IL2RA: variants seen among roughly 807,000 people sequenced by gnomAD.
IL2RA encodes interleukin 2 receptor subunit alpha.
IL2RA carries 24 observed loss-of-function variants against 37.8 expected under a neutral mutation model. The observed-to-expected ratio is 0.63, with a 90% CI of 0.46 to 0.89. The LOEUF is 0.89. IL2RA is among the 40% of genes least tolerant of loss of function. The pLI is 0.00. For synonymous variants in IL2RA, 125 were observed against 114.6 expected, an observed-to-expected ratio of 1.09 and a Z score of -0.58; for missense variants, 319 against 348.6, an observed-to-expected ratio of 0.92 and a Z score of 0.68.
rs553785983 is a variant in IL2RA, at chr10:6,028,772, C to T, written c.65-2747G>A. On this transcript the variant is annotated intron_variant, in intron 1 of 7. Coordinates refer to ENST00000379959, the MANE Select transcript of IL2RA (RefSeq NM_000417.3). This position sits in a 1 kb window ranked among gnomAD's most constrained non-coding sequence, Gnocchi z 4.1. Reference sequence around the variant, plus strand: ...CAGCACTTTGGGGCGACAAGGCAGGCGGATCATCTGAGGTCAGGAGTTCCA... The same window carrying T: ...CAGCACTTTGGGGCGACAAGGCAGGTGGATCATCTGAGGTCAGGAGTTCCA... Among the ~76,000 whole-genome samples the T allele has an allele frequency of 1.1e-4, 16 of 152,172 alleles. No homozygotes were observed. In the East Asian group the frequency reaches 1.9e-3, roughly 18 times the overall value.
At chr10:6,016,789 G>A (rs192622024) in intron 7 of IL2RA, among the ~76,000 whole-genome samples, 228 of 152,080 alleles carry the variant, frequency 1.5e-3, no homozygotes, top group Admixed American at 3.8e-3. Flanking sequence ...GTCCAGCCTG[G>A]TCCTGAACTC....
rs1371276723 is a variant in IL2RA, at chr10:6,018,690, G to C, written c.728-571C>G. ...CCCGGGGTACAGCCCTTCCAGATCA[G>C]CTTGAGAGGAGCTGATAGGGCTGAC... On this transcript the variant is annotated intron_variant, in intron 6 of 7. Transcript: ENST00000379959. This position sits in a 1 kb window ranked among gnomAD's most constrained non-coding sequence, Gnocchi z 5.1. Among the ~76,000 whole-genome samples, 1 of 152,164 alleles carries C rather than the reference G, an allele frequency of 6.6e-6. No individual in the cohort carries two copies. The highest frequency in any genetic ancestry group is 1.5e-5 in the Non-Finnish European group (1 of 68,016).
At chr10:6,038,043 A>T (rs1382545180) in intron 1 of IL2RA, among the ~76,000 whole-genome samples, 1 of 152,194 alleles carries the variant, frequency 6.6e-6, no homozygotes, top group African/African-American at 2.4e-5. Context: ...GTATCATAGA[A>T]TATGAGAACT....
At chr10:6,062,041 T>G in intron 1 of IL2RA, 47 bp downstream of exon 1, 1 of 1,457,128 alleles carries the variant, frequency 6.9e-7, no homozygotes. Context: ...GGAAGAGGGA[T>G]GCCCATCAGC....
rs966986357 is a variant in IL2RA, at chr10:6,021,960, T to G, written c.368-267A>C. 1.3e-5 allele frequency among the ~76,000 whole-genome samples: 2 copies of G among 151,798 alleles called. No individual in the cohort carries two copies. The highest frequency in any genetic ancestry group is 4.8e-5 in the African/African-American group (2 of 41,316). The stretch of plus-strand genomic sequence containing the variant: ...TGTGAAGGATAGCAGACGTTGGCAA[T>G]GGGAACACAGAGGAATGAGCGATTC... On this transcript the variant is annotated intron_variant, in intron 3 of 7. Coordinates refer to ENST00000379959, the MANE Select transcript of IL2RA (RefSeq NM_000417.3). The surrounding 1 kb of genome is among the most constrained non-coding windows in gnomAD (Gnocchi z 4.9).
At chr10:6,038,490 TC>T (rs1251023677) in intron 1 of IL2RA, among the ~76,000 whole-genome samples, 1 of 152,196 alleles carries the variant, frequency 6.6e-6, no homozygotes, top group Non-Finnish European at 1.5e-5. Flanking sequence ...GATACTGTCA[TC>T]CCCACTTTAG....
chr10:6,021,401 G>C lies in IL2RA; in HGVS notation c.583+77C>G, dbSNP rs1362117098. ...TCCAAGGACCACTCTTGTCCAGCAG[G>C]AGTGGTCAGGGATTCCACTCTGGTC... On this transcript the variant is annotated intron_variant, in intron 4 of 7. Coordinates refer to ENST00000379959, the MANE Select transcript of IL2RA (RefSeq NM_000417.3). The surrounding 1 kb of genome is among the most constrained non-coding windows in gnomAD (Gnocchi z 4.9). 5 of 1,160,264 alleles carry C rather than the reference G, an allele frequency of 4.3e-6. No homozygotes were observed. The highest frequency in any genetic ancestry group is 5.2e-6 in the Non-Finnish European group (4 of 768,342). The allele number at this position is 1,160,264 out of a possible 1,614,324, so 71.9% of individuals were successfully genotyped here.
Position 6,056,780 on chromosome 10 carries a change from T to C in IL2RA, c.64+5308A>G, listed in dbSNP as rs767137796. On this transcript the variant is annotated intron_variant, in intron 1 of 7. Coordinates refer to ENST00000379959, the MANE Select transcript of IL2RA (RefSeq NM_000417.3). This position sits in a 1 kb window ranked among gnomAD's most constrained non-coding sequence, Gnocchi z 5.0. ...AAAAAAAAGATTCCCCTTTCTCTTC[T>C]CTCAGGGAATGGCCTGGGATAGAGA... 2.0e-5 allele frequency among the ~76,000 whole-genome samples: 3 copies of C among 152,028 alleles called. No individual in the cohort carries two copies. The highest frequency in any genetic ancestry group is 4.4e-5 in the Non-Finnish European group (3 of 67,998).
At chr10:6,034,683 C>T (rs370705038) in intron 1 of IL2RA, among the ~76,000 whole-genome samples, 1 of 152,170 alleles carries the variant, frequency 6.6e-6, no homozygotes, top group Non-Finnish European at 1.5e-5. Context: ...AAAATTACTT[C>T]TCAAAATTCA....
In IL2RA at chr10:6,013,113, C is replaced by T. The variant is rs36060461; in HGVS notation, c.795-217G>A. 7.8e-3 allele frequency among the ~76,000 whole-genome samples: 1,193 copies of T among 152,320 alleles called. 10 individuals carry two copies. Among genetic ancestry groups the T allele is most frequent in the Non-Finnish European group, 0.012 (835 of 68,030 alleles). On this transcript the variant is annotated intron_variant, in intron 7 of 7. Transcript: ENST00000379959. ...AAAGTGCTGGGATTACAGGTGTGAG[C>T]CACTGTGCCTGGCCTAAGTTTTTAT...
chr10:6,047,757 A>G lies in IL2RA; in HGVS notation c.64+14331T>C, dbSNP rs1048884411. On this transcript the variant is annotated intron_variant, in intron 1 of 7. Transcript: ENST00000379959. This position sits in a 1 kb window ranked among gnomAD's most constrained non-coding sequence, Gnocchi z 5.0. ...TTATACAGATATATAATAAGCAATT[A>G]GGGTATGTTATATAAAATACTATAG... is the stretch of plus-strand genomic sequence containing the variant. 1.3e-5 allele frequency among the ~76,000 whole-genome samples: 2 copies of G among 149,378 alleles called. No homozygotes were observed. The highest frequency in any genetic ancestry group is 3.0e-5 in the Non-Finnish European group (2 of 67,480).
intron 6 of IL2RA, among the ~76,000 whole-genome samples, chr10:6,019,145 A>G (rs1472529933): frequency 6.6e-6 from 1 of 152,014 alleles, no homozygotes; most frequent in Non-Finnish European, 1.5e-5. Flanking sequence ...CCAACCAACT[A>G]ACCAACTAAC....
intron 1 of IL2RA, among the ~76,000 whole-genome samples, chr10:6,052,771 G>T (rs1249751264): frequency 2.6e-5 from 4 of 152,226 alleles, no homozygotes; most frequent in Non-Finnish European, 5.9e-5. Flanking sequence ...GGGTGATTCT[G>T]TGGGCAGAGG....
chr10:6,018,258 G>A lies in IL2RA; in HGVS notation c.728-139C>T. 2.8e-6 allele frequency: 2 copies of A among 707,252 alleles called. No individual in the cohort carries two copies. The highest frequency in any genetic ancestry group is 3.0e-5 in the South Asian group (2 of 65,872). The allele number at this position is 707,252 out of a possible 1,614,324, so 43.8% of individuals were successfully genotyped here. ...CAGCCTCTCTTCCCTGTCTCAGGAAGTAGGTCCCTCCCCATGGGATTTCCT... is the reference window on the plus strand; with the variant it reads ...CAGCCTCTCTTCCCTGTCTCAGGAAATAGGTCCCTCCCCATGGGATTTCCT... On this transcript the variant is annotated intron_variant, in intron 6 of 7. Coordinates refer to ENST00000379959, the MANE Select transcript of IL2RA (RefSeq NM_000417.3). The surrounding 1 kb of genome is among the most constrained non-coding windows in gnomAD (Gnocchi z 5.1).
chr10:6,032,099 G>A (rs529731691), intron 1 of IL2RA, among the ~76,000 whole-genome samples: 1 of 151,990 alleles, frequency 6.6e-6, no homozygotes, highest in Non-Finnish European at 1.5e-5. Flanking sequence ...GAAATTCAAT[G>A]AGAAAGGAAA....
In IL2RA at chr10:6,024,587, C is replaced by T. The variant is rs181757138; in HGVS notation, c.257-233G>A. On this transcript the variant is annotated intron_variant, in intron 2 of 7. Coordinates refer to ENST00000379959, the MANE Select transcript of IL2RA (RefSeq NM_000417.3). ...CGACATGTTTTTGAGCGTGTGTATA[C>T]GTGTCTGTGCATGTCATGTATGTTA... Among the ~76,000 whole-genome samples, 506 of 152,156 alleles carry T rather than the reference C, an allele frequency of 3.3e-3. 6 individuals carry two copies. Among genetic ancestry groups the T allele is most frequent in the African/African-American group, 0.011 (460 of 41,538 alleles).
intron 1 of IL2RA, among the ~76,000 whole-genome samples, chr10:6,051,910 A>T (rs930772260): frequency 6.8e-6 from 1 of 146,750 alleles, no homozygotes; most frequent in Non-Finnish European, 1.5e-5. Context: ...GACTAATACG[A>T]TTCCTTCCTC....
At chr10:6,024,814 C>T (rs1009025116) in intron 2 of IL2RA, among the ~76,000 whole-genome samples, 5 of 152,220 alleles carry the variant, frequency 3.3e-5, no homozygotes, top group Admixed American at 6.5e-5. Flanking sequence ...AAGTTAGAGA[C>T]GCCATCTTAA....
chr10:6,060,613 G>A (rs184332316), intron 1 of IL2RA, among the ~76,000 whole-genome samples: 2 of 152,192 alleles, frequency 1.3e-5, no homozygotes, highest in East Asian at 1.9e-4. Context: ...AAATTAGCTG[G>A]TCGTGGTGGT....
Sources: allele counts gnomAD v4.1 joint callset (sites outside exome capture counted in the v4.1 genomes callset), GRCh38; gene constraint gnomAD v4.1.1; non-coding constraint Gnocchi (gnomAD v3.1); transcripts MANE v1.5; gene names NCBI Gene and HGNC (gene_info 2026-07-23, HGNC 2026-07-21).